The following CALN1 variants were observed in gnomAD, a reference collection of about 807,000 sequenced individuals.
The protein encoded by CALN1 is calneuron 1.
In CALN1, 17 loss-of-function variants were observed where a neutral mutation model predicts 30.6. That is an observed-to-expected ratio of 0.56 (90% confidence interval 0.38 to 0.83). The LOEUF (loss-of-function observed/expected upper bound fraction) is 0.83, where lower values mean the gene tolerates loss of function less well. Ranked by LOEUF, CALN1 falls within the 40% of genes least tolerant of loss-of-function variation. The probability of loss-of-function intolerance (pLI) is 0.00; values close to 1 mark genes in which losing one functional copy is unlikely to be tolerated. For synonymous variants in CALN1, 156 were observed against 131.4 expected, an observed-to-expected ratio of 1.19 and a Z score of -1.28; for missense variants, 291 against 354.9, an observed-to-expected ratio of 0.82 and a Z score of 1.45.
intron 2 of CALN1, among the ~76,000 whole-genome samples, chr7:72,402,346 A>G (rs113038687): frequency 1.3e-5 from 2 of 152,210 alleles, no homozygotes; most frequent in African/African-American, 4.8e-5. Context: ...TCTAGTCACC[A>G]AAAATACATC....
At chr7:71,862,486 A>G (rs963567264) in intron 5 of CALN1, among the ~76,000 whole-genome samples, 1 of 152,124 alleles carries the variant, frequency 6.6e-6, no homozygotes, top group Non-Finnish European at 1.5e-5. Context: ...GCCATGTAAG[A>G]CGTGAATTTG....
At chr7:72,282,582 A>T (rs981977659) in intron 2 of CALN1, among the ~76,000 whole-genome samples, 5 of 152,228 alleles carry the variant, frequency 3.3e-5, no homozygotes, top group Admixed American at 3.3e-4. Flanking sequence ...GTGAAAATGC[A>T]GCAACAAGGC....
chr7:72,124,115 G>C (rs745401187), intron 3 of CALN1, among the ~76,000 whole-genome samples: 4 of 152,102 alleles, frequency 2.6e-5, no homozygotes, highest in Non-Finnish European at 5.9e-5. Context: ...CAATCATTCC[G>C]TATTTCCCCT....
At chr7:71,834,728 G>A (rs112042698) in intron 5 of CALN1, among the ~76,000 whole-genome samples, 88 of 152,222 alleles carry the variant, frequency 5.8e-4, no homozygotes, top group African/African-American at 2.0e-3. Context: ...GGTTAGGCCC[G>A]GGGCCCTCTG....
At chr7:71,925,790 C>T (rs1040835716) in intron 5 of CALN1, among the ~76,000 whole-genome samples, 2 of 152,046 alleles carry the variant, frequency 1.3e-5, no homozygotes, top group Non-Finnish European at 2.9e-5. Flanking sequence ...GTAGAGGGTG[C>T]TGAAGCCAAA....
At chr7:72,409,486 G>A (rs1806960144) in intron 1 of CALN1, among the ~76,000 whole-genome samples, 1 of 147,380 alleles carries the variant, frequency 6.8e-6, no homozygotes, top group African/African-American at 2.5e-5. Context: ...GGAGGCATAT[G>A]GATAGTCTGA....
chr7:72,233,937 G>C (rs113360764), intron 3 of CALN1, among the ~76,000 whole-genome samples: 4 of 152,226 alleles, frequency 2.6e-5, no homozygotes, highest in African/African-American at 7.2e-5. Flanking sequence ...CTGGGAGACA[G>C]AGGTTGCAGT....
chr7:72,009,693 T>C (rs1041781156), intron 5 of CALN1, among the ~76,000 whole-genome samples: 2 of 152,220 alleles, frequency 1.3e-5, no homozygotes, highest in Non-Finnish European at 2.9e-5. Context: ...GTTTCCCCCA[T>C]ACTGTTCTCA....
chr7:72,393,483 A>C (rs546183903), intron 2 of CALN1, among the ~76,000 whole-genome samples: 1 of 152,224 alleles, frequency 6.6e-6, no homozygotes, highest in Non-Finnish European at 1.5e-5. Context: ...AACAAACAAA[A>C]AAACTAGCAT....
chr7:71,970,797 T>C (rs1797755647), intron 5 of CALN1, among the ~76,000 whole-genome samples: 1 of 152,160 alleles, frequency 6.6e-6, no homozygotes, highest in South Asian at 2.1e-4. Context: ...TCCCAGCGTT[T>C]TCCTATTTGA....
intron 2 of CALN1, among the ~76,000 whole-genome samples, chr7:72,338,725 G>C (rs1802244376): frequency 6.6e-6 from 1 of 151,938 alleles, no homozygotes; most frequent in Non-Finnish European, 1.5e-5. Flanking sequence ...GAGATGTTTT[G>C]TTACAGGCAT....
At chr7:72,228,703 A>G (rs1294254018) in intron 3 of CALN1, among the ~76,000 whole-genome samples, 1 of 151,710 alleles carries the variant, frequency 6.6e-6, no homozygotes, top group Non-Finnish European at 1.5e-5. Context: ...CCTGGAATAC[A>G]GCAAGCACTC....
the CALN1 span, among the ~76,000 whole-genome samples, chr7:72,460,150 G>A: frequency 3.3e-5 from 5 of 151,938 alleles, no homozygotes; most frequent in Admixed American, 2.0e-4. Flanking sequence ...TCATTACCAC[G>A]GAGATGGCAC....
At chr7:72,168,832 T>C (rs933973879) in intron 3 of CALN1, among the ~76,000 whole-genome samples, 1 of 141,250 alleles carries the variant, frequency 7.1e-6, no homozygotes, top group Admixed American at 7.5e-5. Flanking sequence ...TGAGATGGAG[T>C]TTCACTCTTC....
At chr7:71,964,910 C>T (rs1312317721) in intron 5 of CALN1, among the ~76,000 whole-genome samples, 2 of 152,180 alleles carry the variant, frequency 1.3e-5, no homozygotes, top group African/African-American at 4.8e-5. Context: ...GATGGTTTCA[C>T]TGACTTGGGC....
intron 5 of CALN1, among the ~76,000 whole-genome samples, chr7:71,916,819 G>GA (rs886140700): frequency 1.4e-4 from 21 of 150,010 alleles, no homozygotes; most frequent in African/African-American, 4.9e-4. Flanking sequence ...GAAGAAGCAA[G>GA]AAAAAAAAAA....
At chr7:72,141,310 GA>G in intron 3 of CALN1, among the ~76,000 whole-genome samples, 1 of 151,432 alleles carries the variant, frequency 6.6e-6, no homozygotes, top group Non-Finnish European at 1.5e-5. Flanking sequence ...AAAAGAAAAA[GA>G]AAAAAAGGCC....
chr7:71,863,480 C>A (rs1466459506), intron 5 of CALN1, among the ~76,000 whole-genome samples: 1 of 144,396 alleles, frequency 6.9e-6, no homozygotes, highest in East Asian at 2.1e-4. Context: ...ATTGCTTGAA[C>A]CTGGGAGGCA....
intron 4 of CALN1, among the ~76,000 whole-genome samples, chr7:72,105,382 G>T (rs917984778): frequency 7.2e-5 from 11 of 152,234 alleles, no homozygotes; most frequent in Admixed American, 2.6e-4. Context: ...AGACACTGAG[G>T]GTTAGCCCAG....
Sources: gnomAD v4.1 joint callset for allele counts (sites outside exome capture counted in the v4.1 genomes callset) on GRCh38, gnomAD v4.1.1 for gene constraint, MANE v1.5 for transcripts, NCBI Gene and HGNC (gene_info 2026-07-23, HGNC 2026-07-21) for gene names.